The following PNPT1 variants were observed in gnomAD, a reference collection of about 807,000 sequenced individuals.
The protein encoded by PNPT1 is polyribonucleotide nucleotidyltransferase 1, mitochondrial.
Under a neutral mutation model 119.5 loss-of-function variants are expected in PNPT1, and 53 were observed. The observed-to-expected ratio is 0.44, with a 90% confidence interval of 0.36 to 0.56. PNPT1 has a LOEUF of 0.56. Among genes scored for constraint, PNPT1 ranks in the 20% least tolerant of loss-of-function variants. PNPT1 has a pLI of 0.00. For missense variants in PNPT1, 948 were observed against 938.5 expected, an observed-to-expected ratio of 1.01 and a Z score of -0.13; for synonymous variants, 357 against 322.1, an observed-to-expected ratio of 1.11 and a Z score of -1.16.
In PNPT1 at chr2:55,665,874, A is replaced by C. The variant is rs560563489; in HGVS notation, c.1176+1117T>G. Among the ~76,000 whole-genome samples, 6 of 152,364 alleles carry C rather than the reference A, an allele frequency of 3.9e-5. No individual in the cohort carries two copies. The East Asian group carries it at 1.2e-3, about 29-fold the overall frequency. On this transcript the variant is annotated intron_variant, in intron 13 of 27. Coordinates refer to ENST00000447944, the MANE Select transcript of PNPT1 (RefSeq NM_033109.5). ...CATAATATGGTACACAGAACAATGA[A>C]TACAGATGTAGGTAAATATTAATAA...
chr2:55,691,853 T>C (rs1309290769), intron 1 of PNPT1, among the ~76,000 whole-genome samples: 1 of 58,912 alleles, frequency 1.7e-5, no homozygotes. Context: ...AATGTTTATA[T>C]ATATATATAT....
At chr2:55,672,533 A>C (rs1015359814) in intron 9 of PNPT1, among the ~76,000 whole-genome samples, 1 of 152,250 alleles carries the variant, frequency 6.6e-6, no homozygotes, top group African/African-American at 2.4e-5. Flanking sequence ...CGTTCTAAGC[A>C]CTGGGCATGT....
At chr2:55,679,899 AT>A in intron 7 of PNPT1, 104 bp from the exon 8 acceptor site, 1 of 753,836 alleles carries the variant, frequency 1.3e-6, no homozygotes. Flanking sequence ...TGACCACAGA[AT>A]AAAATCCATG....
chr2:55,649,474 C>T (rs72805498), intron 18 of PNPT1, among the ~76,000 whole-genome samples: 4,543 of 152,172 alleles, frequency 0.03, 106 homozygotes, highest in South Asian at 0.089. Flanking sequence ...TGTCCTTTAC[C>T]CTAAATATTA....
intron 1 of PNPT1, among the ~76,000 whole-genome samples, chr2:55,693,252 G>A (rs1697679589): frequency 6.6e-6 from 1 of 152,210 alleles, no homozygotes; most frequent in Non-Finnish European, 1.5e-5. Context: ...CCTCTGCTGA[G>A]GTCTGTGTCC....
chr2:55,667,709 T>C (rs180887995), intron 12 of PNPT1, among the ~76,000 whole-genome samples, 153 bp downstream of exon 12: 93 of 152,336 alleles, frequency 6.1e-4, no homozygotes, highest in African/African-American at 2.1e-3. Context: ...TCATGTACTT[T>C]TTCTTCAATA....
At chr2:55,672,094 G>T in intron 9 of PNPT1, 48 bp from the exon 10 acceptor site, 1 of 1,338,376 alleles carries the variant, frequency 7.5e-7, no homozygotes, top group South Asian at 1.3e-5. Context: ...CTGGAAACAA[G>T]AGGCAGTTTC....
intron 8 of PNPT1, among the ~76,000 whole-genome samples, 195 bp from the exon 9 acceptor site, chr2:55,673,274 A>G (rs1572824498): frequency 2.0e-5 from 3 of 152,190 alleles, no homozygotes; most frequent in South Asian, 4.2e-4. Context: ...AGACACCTTG[A>G]TATCTGTATT....
Position 55,636,072 on chromosome 2 carries a change from C to T in PNPT1, c.*165G>A, listed in dbSNP as rs1161300732. ...TACAATTAAACAAATATGGGTTACTCGAATTAAAAAAATGGCACATGTAAA... is the reference window on the plus strand; with the variant it reads ...TACAATTAAACAAATATGGGTTACTTGAATTAAAAAAATGGCACATGTAAA... On this transcript the variant is annotated 3_prime_UTR_variant, in exon 28 of 28. Coordinates refer to ENST00000447944, the MANE Select transcript of PNPT1 (RefSeq NM_033109.5). 3 of 398,430 alleles carry T rather than the reference C, an allele frequency of 7.5e-6. No homozygotes were observed. Among genetic ancestry groups the T allele is most frequent in the African/African-American group, 6.2e-5 (3 of 48,176 alleles). The allele number at this position is 398,430 out of a possible 1,614,324, so 24.7% of individuals were successfully genotyped here.
chr2:55,645,309 C>G (rs772706212), intron 22 of PNPT1, 40 bp downstream of exon 22: 23 of 1,427,564 alleles, frequency 1.6e-5, no homozygotes, highest in Admixed American at 5.2e-5. Flanking sequence ...CAGGCGTGAG[C>G]CACCGCGCCC....
chr2:55,643,281 T>C (rs755532183), intron 24 of PNPT1, 38 bp downstream of exon 24: 2 of 1,612,086 alleles, frequency 1.2e-6, no homozygotes, highest in South Asian at 1.1e-5. Flanking sequence ...AAAACAAATA[T>C]AGCTATATGA....
At chr2:55,662,887 T>C (rs1696621781) in intron 13 of PNPT1, among the ~76,000 whole-genome samples, 1 of 148,850 alleles carries the variant, frequency 6.7e-6, no homozygotes, top group African/African-American at 2.4e-5. Flanking sequence ...AAGATTTTTT[T>C]TTTTTTTTTT....
Position 55,686,424 on chromosome 2 carries a change from C to G in PNPT1, c.243G>C (p.Met81Ile), listed in dbSNP as rs1211234471. ...AVVQSGDTAV[M>I]VTAVSKTKPS... ...GTTTTGTTTTACTGACCGCTGTGAC[C>G]ATTACTGCAGTGTCACCTGACTTAA... Residue 81 changes from methionine (M) to isoleucine (I), a missense_variant, in exon 3 of 28, where the codon ATG becomes ATC. By Grantham distance (10) the Met-to-Ile change is conservative. Coordinates refer to ENST00000447944, the MANE Select transcript of PNPT1 (RefSeq NM_033109.5). 2 of 1,613,832 alleles carry G rather than the reference C, an allele frequency of 1.2e-6. No individual in the cohort carries two copies. Among genetic ancestry groups the G allele is most frequent in the East Asian group, 4.5e-5 (2 of 44,850 alleles).
rs1409600275 is a variant in PNPT1, at chr2:55,635,672, G to C, written c.*565C>G. 3 of 152,028 alleles carry C rather than the reference G, an allele frequency of 2.0e-5. No homozygotes were observed. The highest frequency in any genetic ancestry group is 1.5e-5 in the Non-Finnish European group (1 of 68,012). The allele number at this position is 152,028 out of a possible 1,614,324, so 9.4% of individuals were successfully genotyped here. A position where few individuals can be genotyped will look rare whatever the true frequency, so the allele number is the denominator to read the frequency against. On this transcript the variant is annotated 3_prime_UTR_variant, in exon 28 of 28. Transcript: ENST00000447944. ...ATTTATTCCACTCTGTTTATGATTT[G>C]GTAACTAATTTGAAAGGCATTATAT...
chr2:55,650,810 G>T (rs979266517), intron 18 of PNPT1, among the ~76,000 whole-genome samples: 2 of 151,378 alleles, frequency 1.3e-5, no homozygotes, highest in Admixed American at 1.3e-4. Flanking sequence ...CGTCTGAGAA[G>T]TGAGAAGCCC....
chr2:55,660,109 A>T, intron 15 of PNPT1, 48 bp downstream of exon 15: 1 of 1,507,400 alleles, frequency 6.6e-7, no homozygotes. Flanking sequence ...GTCTCACAAA[A>T]ATTTATTAAT....
intron 8 of PNPT1, among the ~76,000 whole-genome samples, chr2:55,675,612 C>A (rs932325728): frequency 6.6e-6 from 1 of 151,930 alleles, no homozygotes; most frequent in African/African-American, 2.4e-5. Context: ...GACATAGGAT[C>A]GTTTGAACCC....
chr2:55,691,866 ATATATATATATATT>A (rs1417095649), intron 1 of PNPT1, among the ~76,000 whole-genome samples: 26 of 77,254 alleles, frequency 3.4e-4, no homozygotes, highest in South Asian at 5.3e-4. Context: ...ATATATATAT[ATATATATATATATT>A]TTTTTTTTTT....
chr2:55,669,148 G>C (rs1696828592), intron 11 of PNPT1, among the ~76,000 whole-genome samples: 1 of 151,956 alleles, frequency 6.6e-6, no homozygotes, highest in Non-Finnish European at 1.5e-5. Flanking sequence ...AAGGGGTGAA[G>C]TACTGTGTAA....
Sources: gnomAD v4.1 joint callset for allele counts (sites outside exome capture counted in the v4.1 genomes callset) on GRCh38, gnomAD v4.1.1 for gene constraint, MANE v1.5 for transcripts, NCBI Gene and HGNC (gene_info 2026-07-23, HGNC 2026-07-21) for gene names.